CYP4X1: variants seen among roughly 807,000 people sequenced by gnomAD.
The protein encoded by CYP4X1 is cytochrome P450 family 4 subfamily X member 1, also known as cytochrome P450 4X1.
A neutral mutation model predicts 57.9 loss-of-function variants in CYP4X1; 44 were observed. The ratio of observed to expected loss-of-function variants is 0.76; its 90% CI spans 0.60 to 0.98. CYP4X1 has a LOEUF of 0.98. CYP4X1 is among the 50% of genes least tolerant of loss of function. The pLI is 0.00. For synonymous variants in CYP4X1, 227 were observed against 228.6 expected, an observed-to-expected ratio of 0.99 and a Z score of 0.06; for missense variants, 532 against 623.9, an observed-to-expected ratio of 0.85 and a Z score of 1.57.
intron 1 of CYP4X1, among the ~76,000 whole-genome samples, chr1:47,026,043 A>G (rs775307395): frequency 6.3e-4 from 96 of 152,290 alleles, no homozygotes; most frequent in South Asian, 1.2e-3. Context: ...TGTCTATCCT[A>G]ACTCATGGAC....
chr1:47,021,187 G>GT (rs2148501280), upstream of CYP4X1, among the ~76,000 whole-genome samples: 1 of 136,968 alleles, frequency 7.3e-6, no homozygotes, highest in East Asian at 2.2e-4. Flanking sequence ...GCGCTGCTCT[G>GT]TTTTTGGCCT....
chr1:47,023,488 G>C (rs1644020327), upstream of CYP4X1: 4 of 1,040,132 alleles, frequency 3.8e-6, no homozygotes, highest in South Asian at 1.4e-4. Flanking sequence ...AATGACCTCA[G>C]CTTTAGCATT....
downstream of CYP4X1, among the ~76,000 whole-genome samples, chr1:47,053,482 G>A (rs1412083252): frequency 4.6e-5 from 7 of 152,260 alleles, no homozygotes; most frequent in African/African-American, 1.4e-4. Flanking sequence ...AGATCCCTGA[G>A]GAATCGCCAC....
chr1:47,002,868 T>A, the CYP4X1 span: 1 of 152,218 alleles, frequency 6.6e-6, no homozygotes, highest in Admixed American at 6.5e-5. Flanking sequence ...TTTTGTCAAA[T>A]TAAAAAGTAG....
chr1:47,040,470 C>T (rs1038105700), intron 8 of CYP4X1, among the ~76,000 whole-genome samples: 22 of 152,152 alleles, frequency 1.4e-4, no homozygotes, highest in African/African-American at 4.3e-4. Context: ...CACCATATTT[C>T]ATATGCAAAA....
At chr1:47,035,160 A>G (rs1337486064) in intron 4 of CYP4X1, among the ~76,000 whole-genome samples, 1 of 151,740 alleles carries the variant, frequency 6.6e-6, no homozygotes, top group Non-Finnish European at 1.5e-5. Flanking sequence ...TAATTTTTAC[A>G]CAAAGTATGC....
chr1:47,020,982 G>A (rs781710827), upstream of CYP4X1, among the ~76,000 whole-genome samples: 35 of 151,912 alleles, frequency 2.3e-4, no homozygotes, highest in Non-Finnish European at 3.2e-4. Flanking sequence ...GCCATCAGAT[G>A]AGCATTGGGA....
chr1:47,033,205 A>G (rs1185074435), intron 3 of CYP4X1, 36 bp from the exon 4 acceptor site: 1 of 1,602,100 alleles, frequency 6.2e-7, no homozygotes, highest in Non-Finnish European at 8.5e-7. Flanking sequence ...TCATCTAATT[A>G]AATGGCATAA....
intron 8 of CYP4X1, among the ~76,000 whole-genome samples, chr1:47,045,424 CAT>C (rs1379031779): frequency 6.6e-6 from 1 of 152,216 alleles, no homozygotes; most frequent in African/African-American, 2.4e-5. Flanking sequence ...GAGTAAGTCT[CAT>C]AGAGTTCTCA....
chr1:47,010,341 G>T, the CYP4X1 span, among the ~76,000 whole-genome samples: 1 of 152,058 alleles, frequency 6.6e-6, no homozygotes, highest in Non-Finnish European at 1.5e-5. Flanking sequence ...TGCAGAAAAG[G>T]CCTTTGACAA....
upstream of CYP4X1, among the ~76,000 whole-genome samples, chr1:47,022,351 C>T (rs180895295): frequency 3.7e-4 from 50 of 135,348 alleles, no homozygotes; most frequent in African/African-American, 9.3e-4. Flanking sequence ...AGTGCAGTGG[C>T]GCGATCTCGG....
At chr1:47,035,078 T>G (rs1352097840) in intron 4 of CYP4X1, among the ~76,000 whole-genome samples, 2 of 151,002 alleles carry the variant, frequency 1.3e-5, no homozygotes, top group African/African-American at 4.9e-5. Flanking sequence ...GGTTGACCGA[T>G]AGGTCTTAAG....
chr1:46,967,436 G>T, the CYP4X1 span, among the ~76,000 whole-genome samples: 1 of 152,030 alleles, frequency 6.6e-6, no homozygotes, highest in African/African-American at 2.4e-5. Flanking sequence ...TGGAGGGCAG[G>T]CAGGAGATTG....
chr1:47,025,132 G>A (rs1395172766), intron 1 of CYP4X1, among the ~76,000 whole-genome samples: 1 of 152,126 alleles, frequency 6.6e-6, no homozygotes, highest in Non-Finnish European at 1.5e-5. Context: ...CCTCATGAAT[G>A]TCTTGGTGCA....
intron 1 of CYP4X1, among the ~76,000 whole-genome samples, chr1:47,026,535 C>A (rs992220947): frequency 6.6e-6 from 1 of 152,050 alleles, no homozygotes; most frequent in Admixed American, 6.6e-5. Context: ...CCTTGAGTTT[C>A]TATACAAATT....
At chr1:47,054,578 A>G (rs1365494853), downstream of CYP4X1, among the ~76,000 whole-genome samples, 1 of 151,498 alleles carries the variant, frequency 6.6e-6, no homozygotes, top group Non-Finnish European at 1.5e-5. Flanking sequence ...ATTTGTTTGT[A>G]TCCTCTTTTA....
chr1:46,964,336 T>C, the CYP4X1 span, among the ~76,000 whole-genome samples: 1 of 152,176 alleles, frequency 6.6e-6, no homozygotes, highest in African/African-American at 2.4e-5. Flanking sequence ...GAGTTTCCAG[T>C]TTTTCTGCTC....
At chr1:47,042,492 A>C (rs977718116) in intron 8 of CYP4X1, among the ~76,000 whole-genome samples, 10 of 151,948 alleles carry the variant, frequency 6.6e-5, no homozygotes, top group Non-Finnish European at 1.2e-4. Flanking sequence ...GGTTTGGGTA[A>C]CAGGTGGTGT....
chr1:46,997,928 A>G, the CYP4X1 span, among the ~76,000 whole-genome samples: 1 of 152,060 alleles, frequency 6.6e-6, no homozygotes, highest in Admixed American at 6.5e-5. Flanking sequence ...TGTGGTTTTA[A>G]TTTGCATTCC....
Sources: allele counts gnomAD v4.1 joint callset (sites outside exome capture counted in the v4.1 genomes callset), GRCh38; gene constraint gnomAD v4.1.1; transcripts MANE v1.5; gene names NCBI Gene and HGNC (gene_info 2026-07-23, HGNC 2026-07-21).